The following MET variants were observed in gnomAD, a reference collection of about 807,000 sequenced individuals.
MET encodes the protein MET proto-oncogene, receptor tyrosine kinase.
Under a neutral mutation model 133.1 loss-of-function variants are expected in MET, and 48 were observed. That is an observed-to-expected ratio of 0.36 (90% CI 0.29 to 0.46). The LOEUF (loss-of-function observed/expected upper bound fraction) is 0.46, where lower values mean the gene tolerates loss of function less well. Among genes scored for constraint, MET ranks in the 20% least tolerant of loss-of-function variants. The probability of loss-of-function intolerance (pLI) is 1.00; values close to 1 mark genes in which losing one functional copy is unlikely to be tolerated. For synonymous variants in MET, 628 were observed against 616.5 expected, an observed-to-expected ratio of 1.02 and a Z score of -0.28; for missense variants, 1,442 against 1,695.9, an observed-to-expected ratio of 0.85 and a Z score of 2.63.
intron 2 of MET, among the ~76,000 whole-genome samples, chr7:116,726,213 A>G (rs1259058383): frequency 1.7e-4 from 2 of 11,764 alleles, no homozygotes; most frequent in Admixed American, 9.7e-4. Context: ...CTCTACCACC[A>G]GGCTCAAAAA....
intron 2 of MET, among the ~76,000 whole-genome samples, chr7:116,707,882 C>T (rs558689684): frequency 4.1e-4 from 62 of 152,206 alleles, no homozygotes; most frequent in African/African-American, 1.2e-3. Flanking sequence ...CTTGTTCTTT[C>T]ATCTTATTAG....
intron 15 of MET, among the ~76,000 whole-genome samples, chr7:116,776,809 G>A (rs1765944368): frequency 6.6e-6 from 1 of 152,190 alleles, no homozygotes; most frequent in Admixed American, 6.5e-5. Flanking sequence ...TGGATGAAGT[G>A]AGTCAGGGTG....
At chr7:116,762,953 A>T in intron 10 of MET, 97 bp from the exon 11 acceptor site, 2 of 1,040,918 alleles carry the variant, frequency 1.9e-6, no homozygotes, top group African/African-American at 3.2e-5. Flanking sequence ...TTCAAAAATT[A>T]TATATTTTCA....
intron 11 of MET, among the ~76,000 whole-genome samples, chr7:116,768,956 A>G (rs567380575): frequency 2.0e-5 from 3 of 152,352 alleles, no homozygotes; most frequent in East Asian, 3.9e-4. Context: ...TTGTGTAACT[A>G]TGTAATTGTT....
intron 11 of MET, among the ~76,000 whole-genome samples, chr7:116,766,033 T>G (rs1211391891): frequency 6.6e-6 from 1 of 152,228 alleles, no homozygotes; most frequent in Non-Finnish European, 1.5e-5. Flanking sequence ...CACTTTTCTA[T>G]CATATGCTAT....
chr7:116,716,473 G>GAAAGAAAGAAAGAAAGAAAGA (rs1792223387), intron 2 of MET, among the ~76,000 whole-genome samples: 2 of 58,436 alleles, frequency 3.4e-5, no homozygotes, highest in African/African-American at 1.7e-4. Context: ...GAAAGAGAAA[G>GAAAGAAAGAAAGAAAGAAAGA]AAAGAAAGAA....
chr7:116,707,600 A>C (rs1338860471), intron 2 of MET, among the ~76,000 whole-genome samples: 1 of 152,192 alleles, frequency 6.6e-6, no homozygotes, highest in South Asian at 2.1e-4. Context: ...ACAATGTTTT[A>C]AATTTTAAAA....
At chr7:116,681,203 A>G (rs1796345743) in intron 1 of MET, among the ~76,000 whole-genome samples, 1 of 152,114 alleles carries the variant, frequency 6.6e-6, no homozygotes, top group Non-Finnish European at 1.5e-5. Flanking sequence ...GAAGCAGAGA[A>G]AGCTTTTATT....
At chr7:116,726,030 C>T (rs945045960) in intron 2 of MET, among the ~76,000 whole-genome samples, 1 of 146,822 alleles carries the variant, frequency 6.8e-6, no homozygotes, top group African/African-American at 2.5e-5. Flanking sequence ...GGGGGATACC[C>T]TGTCTCTCAA....
rs1584955001 is a variant in MET, at chr7:116,771,599, A to G, written c.2832A>G (p.Ala944=). Residue 944 remains alanine, a synonymous_variant, in exon 13 of 21, where the codon GCA becomes GCG. Coordinates refer to ENST00000397752, the MANE Select transcript of MET (RefSeq NM_000245.4). ...LIAGVVSIST[A]LLLLLGFFLW... is the part of the protein sequence containing the mutation. ...CTGGTGTTGTCTCAATATCAACAGC[A>G]CTGTTATTACTACTTGGGTTTTTCC... is the stretch of plus-strand genomic sequence containing the variant. The G allele has an allele frequency of 1.2e-6, 2 of 1,613,940 alleles. No individual in the cohort carries two copies. The highest frequency in any genetic ancestry group is 1.3e-5 in the African/African-American group (1 of 75,048).
intron 1 of MET, among the ~76,000 whole-genome samples, chr7:116,681,097 T>C (rs1796341437): frequency 6.6e-6 from 1 of 152,202 alleles, no homozygotes; most frequent in South Asian, 2.1e-4. Context: ...GGTTTGATTC[T>C]GGAGAAAGAT....
intron 11 of MET, among the ~76,000 whole-genome samples, chr7:116,766,059 G>T (rs1794615168): frequency 6.6e-6 from 1 of 152,124 alleles, no homozygotes; most frequent in South Asian, 2.1e-4. Flanking sequence ...TATCTATGCA[G>T]TTCTTTAGAG....
intron 17 of MET, among the ~76,000 whole-genome samples, chr7:116,780,917 G>T (rs1795136700): frequency 6.6e-6 from 1 of 152,142 alleles, no homozygotes; most frequent in African/African-American, 2.4e-5. Flanking sequence ...TAACATCTTG[G>T]GCCTTACTAA....
intron 3 of MET, among the ~76,000 whole-genome samples, chr7:116,737,048 G>A (rs1793242470): frequency 6.6e-6 from 1 of 152,194 alleles, no homozygotes; most frequent in South Asian, 2.1e-4. Flanking sequence ...AACATTTATA[G>A]CAGTAGGTAT....
chr7:116,694,604 A>G (rs1796893065), intron 1 of MET, among the ~76,000 whole-genome samples: 1 of 152,218 alleles, frequency 6.6e-6, no homozygotes, highest in African/African-American at 2.4e-5. Context: ...GAGATTTAGT[A>G]CAGTGTGTGA....
chr7:116,761,979 A>G (rs1331381634), intron 10 of MET, among the ~76,000 whole-genome samples: 1 of 152,158 alleles, frequency 6.6e-6, no homozygotes, highest in Non-Finnish European at 1.5e-5. Flanking sequence ...AGGAAATCTA[A>G]GGGATGTTGT....
chr7:116,713,615 C>G (rs1015468031), intron 2 of MET, among the ~76,000 whole-genome samples: 1 of 151,992 alleles, frequency 6.6e-6, no homozygotes, highest in Non-Finnish European at 1.5e-5. Flanking sequence ...GGGGAGCCCA[C>G]AGATGGAGGT....
At chr7:116,685,098 G>C (rs1259672070) in intron 1 of MET, among the ~76,000 whole-genome samples, 1 of 152,118 alleles carries the variant, frequency 6.6e-6, no homozygotes, top group African/African-American at 2.4e-5. Context: ...AGGTTTTGTG[G>C]GAGTAGATGG....
At chr7:116,744,033 G>T (rs373837817) in intron 5 of MET, among the ~76,000 whole-genome samples, 1 of 152,016 alleles carries the variant, frequency 6.6e-6, no homozygotes, top group African/African-American at 2.4e-5. Flanking sequence ...CTATTCAAAG[G>T]TCACCAACAT....
Sources: allele counts gnomAD v4.1 joint callset (sites outside exome capture counted in the v4.1 genomes callset), GRCh38; gene constraint gnomAD v4.1.1; transcripts MANE v1.5; gene names NCBI Gene and HGNC (gene_info 2026-07-23, HGNC 2026-07-21).